The following SLC30A8 variants were observed in gnomAD, a reference collection of about 807,000 sequenced individuals.
SLC30A8 encodes the protein proton-coupled zinc antiporter SLC30A8.
SLC30A8 carries 27 observed loss-of-function variants against 36.9 expected under a neutral mutation model. The ratio of observed to expected loss-of-function variants is 0.73; its 90% CI spans 0.54 to 1.01. The LOEUF (loss-of-function observed/expected upper bound fraction) is 1.01. SLC30A8 is among the 50% of genes least tolerant of loss of function. SLC30A8 has a pLI of 0.00. For missense variants in SLC30A8, 439 were observed against 452.0 expected (o/e 0.97, Z 0.26); for synonymous variants, 164 against 172.4 (o/e 0.95, Z 0.38).
intron 1 of SLC30A8, among the ~76,000 whole-genome samples, chr8:117,012,128 TA>T (rs1204527938): frequency 1.3e-5 from 2 of 152,206 alleles, no homozygotes; most frequent in African/African-American, 4.8e-5. Context: ...GTTGCTCACA[TA>T]AAACTCATTT....
intron 2 of SLC30A8, among the ~76,000 whole-genome samples, chr8:117,150,376 AGGT>A (rs1822122589): frequency 6.6e-6 from 1 of 152,092 alleles, no homozygotes; most frequent in African/African-American, 2.4e-5. Flanking sequence ...TCTCAGTTGG[AGGT>A]GGTTTGTGAG....
intron 2 of SLC30A8, among the ~76,000 whole-genome samples, chr8:117,098,001 A>C (rs1254186912): frequency 7.7e-6 from 1 of 130,244 alleles, no homozygotes; most frequent in East Asian, 2.1e-4. Context: ...AAATAAATAT[A>C]TAATATATAT....
At chr8:117,012,667 AGTGT>A (rs76378081) in intron 1 of SLC30A8, among the ~76,000 whole-genome samples, 4 of 140,340 alleles carry the variant, frequency 2.9e-5, no homozygotes, top group African/African-American at 5.3e-5. Context: ...ACTGTATATA[AGTGT>A]GTGTGTGTGT....
At position 117,000,469 on chromosome 8, in the gene SLC30A8, T is replaced by A. The variant is rs918798848; in HGVS notation, c.-265-38750T>A. ...TGCAAGCTCTGAAGAGCTGTAAAAG[T>A]GTATAAATTGTAAACTTAAAATGAA... On this transcript the variant is annotated intron_variant, in intron 1 of 10. Coordinates refer to the SLC30A8 transcript ENST00000427715. Among the ~76,000 whole-genome samples the A allele has an allele frequency of 2.0e-5, 3 of 152,304 alleles. No homozygotes were observed. The South Asian group carries it at 6.2e-4, about 32-fold the overall frequency.
Position 116,956,427 on chromosome 8 carries a change from G to A in SLC30A8, c.-266+5308G>A, listed in dbSNP as rs888716691. 2.6e-5 allele frequency among the ~76,000 whole-genome samples: 4 copies of A among 152,100 alleles called. No individual in the cohort carries two copies. The East Asian group carries it at 5.8e-4, about 22-fold the overall frequency. ...TGAAGTGTGGTAGAGATGACATTTC[G>A]ATTTCATCGAAAATGAAAATTTCAG... On this transcript the variant is annotated intron_variant, in intron 1 of 10. Coordinates refer to the SLC30A8 transcript ENST00000427715.
At chr8:117,137,542 T>C (rs1044196434) in intron 1 of SLC30A8, among the ~76,000 whole-genome samples, 1 of 151,978 alleles carries the variant, frequency 6.6e-6, no homozygotes, top group Admixed American at 6.6e-5. Flanking sequence ...TGTGAATTAG[T>C]TGGAATAGAA....
intron 3 of SLC30A8, 49 bp from the exon 4 acceptor site, chr8:117,157,642 G>T: frequency 6.2e-7 from 1 of 1,606,172 alleles, no homozygotes; most frequent in African/African-American, 1.3e-5. Context: ...GTAGGTGTAG[G>T]TGATGGAGTT....
chr8:116,961,106 T>A (rs2921719), intron 1 of SLC30A8, among the ~76,000 whole-genome samples: 106,573 of 152,128 alleles, frequency 0.7, 38,443 homozygotes, highest in African/African-American at 0.89. Context: ...GATGTAGTTG[T>A]TATCTATATT....
intron 1 of SLC30A8, among the ~76,000 whole-genome samples, chr8:117,031,743 C>T (rs1424911183): frequency 2.6e-5 from 4 of 152,250 alleles, no homozygotes; most frequent in African/African-American, 4.8e-5. Context: ...AGATTACAGG[C>T]GTGAGCCACC....
intron 2 of SLC30A8, among the ~76,000 whole-genome samples, chr8:117,120,287 G>C (rs1254360789): frequency 7.9e-5 from 12 of 151,928 alleles, no homozygotes; most frequent in Non-Finnish European, 1.5e-5. Context: ...CGATGGAACA[G>C]AATAGAGATC....
intron 6 of SLC30A8, among the ~76,000 whole-genome samples, chr8:117,165,141 A>G (rs1822994430): frequency 6.6e-6 from 1 of 152,218 alleles, no homozygotes; most frequent in Admixed American, 6.5e-5. Flanking sequence ...TTCAAATGCT[A>G]GTCATGCAAG....
chr8:117,124,272 A>G (rs1820807127), intron 2 of SLC30A8, among the ~76,000 whole-genome samples: 1 of 151,974 alleles, frequency 6.6e-6, no homozygotes, highest in African/African-American at 2.4e-5. Flanking sequence ...ATGCTTTTAC[A>G]GTAAGAATAT....
chr8:117,127,958 T>C (rs766196771), intron 2 of SLC30A8, among the ~76,000 whole-genome samples: 2 of 152,100 alleles, frequency 1.3e-5, no homozygotes, highest in Non-Finnish European at 2.9e-5. Context: ...GGCAATTCTC[T>C]CTTATATTAT....
chr8:116,972,269 T>C (rs988598459), intron 1 of SLC30A8, among the ~76,000 whole-genome samples: 39 of 152,350 alleles, frequency 2.6e-4, no homozygotes, highest in African/African-American at 9.4e-4. Context: ...TTTATACTTT[T>C]GCTGAAAAGG....
At chr8:117,168,615 T>C (rs1192756355) in intron 6 of SLC30A8, among the ~76,000 whole-genome samples, 1 of 152,168 alleles carries the variant, frequency 6.6e-6, no homozygotes, top group Non-Finnish European at 1.5e-5. Context: ...TGGACCTATG[T>C]TCTCTATAAT....
At chr8:116,983,847 CAT>C in intron 1 of SLC30A8, among the ~76,000 whole-genome samples, 1 of 152,240 alleles carries the variant, frequency 6.6e-6, no homozygotes. Flanking sequence ...TCCAATTTTA[CAT>C]GCGCTCATTT....
chr8:116,989,022 G>T (rs1022807884), intron 1 of SLC30A8, among the ~76,000 whole-genome samples: 6 of 152,160 alleles, frequency 3.9e-5, no homozygotes, highest in Admixed American at 3.9e-4. Flanking sequence ...GGATAAGATA[G>T]ATATTCAAAA....
chr8:116,994,399 A>G (rs948243659), intron 1 of SLC30A8, among the ~76,000 whole-genome samples: 8 of 152,102 alleles, frequency 5.3e-5, no homozygotes, highest in African/African-American at 1.9e-4. Flanking sequence ...CCAGATGTTC[A>G]GGCAGTGTCA....
chr8:117,088,804 G>A (rs1211862037), intron 2 of SLC30A8, among the ~76,000 whole-genome samples: 3 of 152,228 alleles, frequency 2.0e-5, no homozygotes, highest in East Asian at 3.8e-4. Context: ...AGATGTTGGA[G>A]GCAGAGCTTG....
Sources: allele counts gnomAD v4.1 joint callset (sites outside exome capture counted in the v4.1 genomes callset), GRCh38; gene constraint gnomAD v4.1.1; transcripts MANE v1.5; gene names NCBI Gene and HGNC (gene_info 2026-07-23, HGNC 2026-07-21).